GLDN: variants seen among roughly 807,000 people sequenced by gnomAD.
The protein encoded by GLDN is gliomedin, also known as collomin.
In GLDN, 47 loss-of-function variants were observed where a neutral mutation model predicts 56.5. The ratio of observed to expected loss-of-function variants is 0.83; its 90% CI spans 0.66 to 1.06. GLDN has a LOEUF of 1.06. Among genes scored for constraint, GLDN ranks in the 50% least tolerant of loss-of-function variants. GLDN has a pLI of 0.00. For synonymous variants in GLDN, 332 were observed against 278.8 expected (o/e 1.19, Z -1.90); for missense variants, 782 against 714.3 (o/e 1.09, Z -1.08).
intron 1 of GLDN, among the ~76,000 whole-genome samples, chr15:51,352,487 C>T (rs541133838): frequency 6.6e-6 from 1 of 152,244 alleles, no homozygotes; most frequent in South Asian, 2.1e-4. Flanking sequence ...TGTCTTGTTT[C>T]TGGGTTTACT....
chr15:51,349,314 C>T (rs948681201), intron 1 of GLDN, among the ~76,000 whole-genome samples: 1 of 152,248 alleles, frequency 6.6e-6, no homozygotes, highest in South Asian at 2.1e-4. Context: ...CCCTTTCCCA[C>T]TTCCTTGGAC....
At chr15:51,392,834 G>A (rs925855642) in intron 4 of GLDN, among the ~76,000 whole-genome samples, 4 of 152,320 alleles carry the variant, frequency 2.6e-5, no homozygotes, top group African/African-American at 9.6e-5. Flanking sequence ...CCTTTTTATA[G>A]ATTCCTTGAG....
At chr15:51,383,956 G>T in intron 4 of GLDN, 64 bp downstream of exon 4, 2 of 1,206,500 alleles carry the variant, frequency 1.7e-6, no homozygotes. Flanking sequence ...CATTTGGGTC[G>T]ACTAAAACTG....
At position 51,406,249 on chromosome 15, in the gene GLDN, T is replaced by C. The variant is rs982701598; in HGVS notation, c.*1495T>C. 6.6e-6 allele frequency: 1 copy of C among 151,916 alleles called. No individual in the cohort carries two copies. The highest frequency in any genetic ancestry group is 2.4e-5 in the African/African-American group (1 of 41,392). The allele number at this position is 151,916 out of a possible 1,614,324, so 9.4% of individuals were successfully genotyped here. ...AGTTGAACTTGCTCCTAAATGCTCT[T>C]AAATATGCATATTTTCTGCCAACTC... is the stretch of plus-strand genomic sequence containing the variant. On this transcript the variant is annotated 3_prime_UTR_variant, in exon 10 of 10. Transcript: ENST00000335449.
At chr15:51,380,508 C>A (rs2037735281) in intron 2 of GLDN, among the ~76,000 whole-genome samples, 1 of 152,192 alleles carries the variant, frequency 6.6e-6, no homozygotes, top group Non-Finnish European at 1.5e-5. Context: ...AGATGTCAGG[C>A]CCCTGGAGAG....
Position 51,341,916 on chromosome 15 carries a change from G to A in GLDN, c.232G>A (p.Gly78Arg). ...GGCCGAGTTGAGCCGCGCGCCGCGC[G>A]GGGCGTCCGCACCACCCCAAGACCC... ...FLAELSRAPR[G>R]ASAPPQDPAS... Residue 78 changes from glycine (G) to arginine (R), a missense_variant, in exon 1 of 10, where the codon GGG becomes AGG. Physicochemically the swap from Gly to Arg is moderately radical, Grantham distance 125 (BLOSUM62 -2). Transcript: ENST00000335449. 6.3e-7 allele frequency: 1 copy of A among 1,594,102 alleles called. No homozygotes were observed. The highest frequency in any genetic ancestry group is 8.5e-7 in the Non-Finnish European group (1 of 1,177,900).
At chr15:51,373,895 T>G (rs558994025) in intron 1 of GLDN, among the ~76,000 whole-genome samples, 11 of 152,346 alleles carry the variant, frequency 7.2e-5, no homozygotes, top group Admixed American at 5.9e-4. Flanking sequence ...AATTTGACCA[T>G]CTAGATTTTG....
intron 1 of GLDN, among the ~76,000 whole-genome samples, chr15:51,367,736 G>A (rs2037434964): frequency 6.6e-6 from 1 of 152,188 alleles, no homozygotes; most frequent in South Asian, 2.1e-4. Flanking sequence ...TTTCAGTGAT[G>A]TCTTAGCCTC....
intron 1 of GLDN, among the ~76,000 whole-genome samples, chr15:51,359,748 G>A (rs1199882716): frequency 6.6e-6 from 1 of 152,080 alleles, no homozygotes; most frequent in Non-Finnish European, 1.5e-5. Flanking sequence ...AGGCCGAGGA[G>A]GGCGGATCAT....
At chr15:51,349,223 A>G (rs2037031980) in intron 1 of GLDN, among the ~76,000 whole-genome samples, 1 of 152,142 alleles carries the variant, frequency 6.6e-6, no homozygotes, top group South Asian at 2.1e-4. Flanking sequence ...GTTTATAGAG[A>G]AAAAAAATCA....
intron 1 of GLDN, chr15:51,351,158 C>T: frequency 3.4e-6 from 1 of 295,248 alleles, no homozygotes; most frequent in South Asian, 3.8e-5. Flanking sequence ...AAAATGCTTG[C>T]ATCTCTTGAT....
rs1167926914 is a variant in GLDN, at chr15:51,406,584, A to G, written c.*1830A>G. On this transcript the variant is annotated 3_prime_UTR_variant, in exon 10 of 10. Coordinates refer to ENST00000335449, the MANE Select transcript of GLDN (RefSeq NM_181789.4). ...CTACTTTGGAGGCAGGGATGGGAGG[A>G]TCACTTGAGGCCAGGATCTCAGGAC... 6.6e-6 allele frequency: 1 copy of G among 152,236 alleles called. No individual in the cohort carries two copies. The highest frequency in any genetic ancestry group is 2.4e-5 in the African/African-American group (1 of 41,448). The allele number at this position is 152,236 out of a possible 1,614,324, so 9.4% of individuals were successfully genotyped here. A position where few individuals can be genotyped will look rare whatever the true frequency, so the allele number is the denominator to read the frequency against.
chr15:51,344,669 T>C (rs2036946158), intron 1 of GLDN, among the ~76,000 whole-genome samples: 1 of 152,142 alleles, frequency 6.6e-6, no homozygotes, highest in South Asian at 2.1e-4. Context: ...CTTATGTCCT[T>C]AGAGGTCTAG....
intron 5 of GLDN, among the ~76,000 whole-genome samples, chr15:51,395,439 C>T (rs146429145): frequency 1.3e-5 from 2 of 152,236 alleles, no homozygotes; most frequent in Admixed American, 6.5e-5. Context: ...AAGCCCTGGT[C>T]GACCTCAGTA....
At chr15:51,399,415 C>T (rs1325874445) in intron 6 of GLDN, among the ~76,000 whole-genome samples, 2 of 152,188 alleles carry the variant, frequency 1.3e-5, no homozygotes, top group African/African-American at 4.8e-5. Flanking sequence ...CACATTCATC[C>T]TCCTCCCTCC....
At chr15:51,350,497 G>A (rs1879457675) in intron 1 of GLDN, among the ~76,000 whole-genome samples, 1 of 152,152 alleles carries the variant, frequency 6.6e-6, no homozygotes, top group African/African-American at 2.4e-5. Context: ...GTGCATTTAG[G>A]ACGTCAGTGC....
intron 1 of GLDN, among the ~76,000 whole-genome samples, chr15:51,358,344 T>A (rs2037226206): frequency 6.6e-6 from 1 of 152,222 alleles, no homozygotes; most frequent in Non-Finnish European, 1.5e-5. Flanking sequence ...TTTATCTTGC[T>A]GGGACAGCTC....
chr15:51,383,453 G>C lies in GLDN; in HGVS notation c.433G>C (p.Gly145Arg), dbSNP rs1324157102. ...ICLTGPSGPP[G>R]PPGAGGLPGH... ...CGTTGTAGGACCTTCTGGACCACCA[G>C]GTAAGAGCCCATGGATTTTCTAGTT... Residue 145 changes from glycine to arginine, a missense_variant and splice_region_variant, in exon 3 of 10, where the codon GGA becomes CGA. Gly to Arg is a moderately radical substitution (Grantham distance 125, BLOSUM62 -2). Transcript: ENST00000335449. The C allele has an allele frequency of 6.2e-7, 1 of 1,613,920 alleles. No homozygotes were observed.
chr15:51,346,019 A>G (rs1455423841), intron 1 of GLDN, among the ~76,000 whole-genome samples: 1 of 152,250 alleles, frequency 6.6e-6, no homozygotes, highest in Non-Finnish European at 1.5e-5. Flanking sequence ...GTGTTAAGAA[A>G]GGGCTGGGGG....
Sources: allele counts gnomAD v4.1 joint callset (sites outside exome capture counted in the v4.1 genomes callset), GRCh38; gene constraint gnomAD v4.1.1; transcripts MANE v1.5; gene names NCBI Gene and HGNC (gene_info 2026-07-23, HGNC 2026-07-21).